Variants in PLPPR5 observed in about 807,000 individuals in gnomAD.
PLPPR5 encodes phospholipid phosphatase-related protein type 5.
In PLPPR5, 16 loss-of-function variants were observed where a neutral mutation model predicts 33.9. The observed-to-expected ratio is 0.47, with a 90% CI of 0.32 to 0.72. The LOEUF is 0.72. PLPPR5 is among the 30% of genes least tolerant of loss of function. The pLI, the probability that PLPPR5 is intolerant of heterozygous loss-of-function variation, is 0.03. For synonymous variants in PLPPR5, 163 were observed against 150.3 expected, an observed-to-expected ratio of 1.08 and a Z score of -0.62; for missense variants, 301 against 406.7, an observed-to-expected ratio of 0.74 and a Z score of 2.23.
chr1:98,961,939 C>G (rs776650260), intron 1 of PLPPR5, among the ~76,000 whole-genome samples: 1 of 152,188 alleles, frequency 6.6e-6, no homozygotes, highest in Admixed American at 6.5e-5. Flanking sequence ...CCCCTAAACC[C>G]CAGATGCAGG....
chr1:98,931,684 T>C (rs1002496501), intron 3 of PLPPR5, among the ~76,000 whole-genome samples: 1 of 151,316 alleles, frequency 6.6e-6, no homozygotes, highest in Non-Finnish European at 1.5e-5. Context: ...AGTCTGGAGG[T>C]TGTGTGGGTC....
At chr1:98,912,644 G>T (rs1474189564) in intron 5 of PLPPR5, among the ~76,000 whole-genome samples, 3 of 152,160 alleles carry the variant, frequency 2.0e-5, no homozygotes, top group African/African-American at 7.2e-5. Context: ...ATAGATTGTA[G>T]CTGGGCAGTC....
chr1:98,942,758 T>C (rs753690847), intron 3 of PLPPR5, among the ~76,000 whole-genome samples: 2 of 152,184 alleles, frequency 1.3e-5, no homozygotes, highest in African/African-American at 2.4e-5. Flanking sequence ...GTACACATCA[T>C]GTGAGAACTG....
intron 2 of PLPPR5, among the ~76,000 whole-genome samples, chr1:98,956,358 T>C (rs1650997456): frequency 6.6e-6 from 1 of 152,182 alleles, no homozygotes; most frequent in Admixed American, 6.5e-5. Flanking sequence ...ATTTATTTTT[T>C]ATTTCAGTAG....
chr1:99,003,815 G>C (rs1176338836), intron 1 of PLPPR5, among the ~76,000 whole-genome samples: 1 of 152,208 alleles, frequency 6.6e-6, no homozygotes, highest in African/African-American at 2.4e-5. Context: ...TTGAGGTACA[G>C]CTCCTGCTTT....
At chr1:98,900,454 TTC>T (rs1324279604) in intron 5 of PLPPR5, among the ~76,000 whole-genome samples, 1 of 152,100 alleles carries the variant, frequency 6.6e-6, no homozygotes, top group Middle Eastern at 3.2e-3. Context: ...GGTTACAAAA[TTC>T]TCTCTCTCCC....
At chr1:98,916,083 C>A (rs1252331996) in intron 4 of PLPPR5, among the ~76,000 whole-genome samples, 2 of 152,074 alleles carry the variant, frequency 1.3e-5, no homozygotes. Context: ...CACTGAAAAG[C>A]CTTTTCTTTC....
chr1:98,998,420 T>C (rs1652705684), intron 1 of PLPPR5, among the ~76,000 whole-genome samples: 2 of 152,292 alleles, frequency 1.3e-5, no homozygotes, highest in Admixed American at 1.3e-4. Flanking sequence ...GAAATATCTT[T>C]GAATCCCTTC....
chr1:98,894,202 G>A (rs1042663180), intron 5 of PLPPR5, among the ~76,000 whole-genome samples: 6 of 151,978 alleles, frequency 3.9e-5, no homozygotes, highest in Non-Finnish European at 8.8e-5. Context: ...AGCATGCTGA[G>A]TTTTTCCACT....
chr1:99,000,091 G>C (rs1354543510), intron 1 of PLPPR5, among the ~76,000 whole-genome samples: 1 of 152,108 alleles, frequency 6.6e-6, no homozygotes, highest in East Asian at 1.9e-4. Context: ...TTTCATCAAT[G>C]AACACCAAGG....
chr1:98,973,307 AATGTAGGGATTG>A (rs1651723921), intron 1 of PLPPR5, among the ~76,000 whole-genome samples: 1 of 125,840 alleles, frequency 7.9e-6, no homozygotes, highest in Non-Finnish European at 1.9e-5. Context: ...CATGTTGGTA[AATGTAGGGATTG>A]ACAGTAGGAA....
chr1:98,921,776 G>T, intron 4 of PLPPR5, 106 bp downstream of exon 4: 1 of 846,112 alleles, frequency 1.2e-6, no homozygotes, highest in Non-Finnish European at 1.8e-6. Context: ...TGATTTGTTT[G>T]ATATACTACA....
At chr1:99,003,093 A>ATATATG (rs1652929468) in intron 1 of PLPPR5, among the ~76,000 whole-genome samples, 1 of 134,760 alleles carries the variant, frequency 7.4e-6, no homozygotes, top group African/African-American at 2.7e-5. Context: ...ATATATATAT[A>ATATATG]TATGTAAAAC....
At chr1:98,956,476 A>C (rs1651003096) in intron 2 of PLPPR5, 133 bp downstream of exon 2, 1 of 879,892 alleles carries the variant, frequency 1.1e-6, no homozygotes, top group Admixed American at 3.9e-5. Context: ...TTTATTTTTA[A>C]AAGCAAATTG....
intron 1 of PLPPR5, among the ~76,000 whole-genome samples, chr1:98,992,038 G>A (rs1652470415): frequency 6.6e-6 from 1 of 152,148 alleles, no homozygotes; most frequent in Non-Finnish European, 1.5e-5. Flanking sequence ...GAATATATAA[G>A]ATAAGGGAAA....
chr1:98,921,827 G>A (rs1649565335), intron 4 of PLPPR5, 55 bp downstream of exon 4: 1 of 1,401,164 alleles, frequency 7.1e-7, no homozygotes, highest in African/African-American at 1.4e-5. Flanking sequence ...TTTTCTCATG[G>A]TGATTATGCA....
At chr1:98,968,255 T>G (rs1201238071) in intron 1 of PLPPR5, among the ~76,000 whole-genome samples, 1 of 152,126 alleles carries the variant, frequency 6.6e-6, no homozygotes, top group African/African-American at 2.4e-5. Context: ...AATGTCTCCA[T>G]GTTCACAGAT....
intron 1 of PLPPR5, among the ~76,000 whole-genome samples, chr1:98,976,632 C>A (rs925345261): frequency 5.9e-5 from 9 of 151,904 alleles, no homozygotes; most frequent in African/African-American, 1.9e-4. Context: ...GGTGGCTAAT[C>A]CAGATTGAGG....
chr1:98,990,635 A>T, intron 1 of PLPPR5, among the ~76,000 whole-genome samples: 1 of 152,172 alleles, frequency 6.6e-6, no homozygotes, highest in African/African-American at 2.4e-5. Context: ...TTAAACAAAA[A>T]ATGAAATGAA....
Sources: allele counts gnomAD v4.1 joint callset (sites outside exome capture counted in the v4.1 genomes callset), GRCh38; gene constraint gnomAD v4.1.1; transcripts MANE v1.5; gene names NCBI Gene and HGNC (gene_info 2026-07-23, HGNC 2026-07-21).